PIR: variants seen among roughly 807,000 people sequenced by gnomAD.
The protein encoded by PIR is pirin (iron-binding nuclear protein).
PIR carries 22 observed loss-of-function variants against 24.2 expected under a neutral mutation model. That is an observed-to-expected ratio of 0.91 (90% CI 0.65 to 1.30). The LOEUF (loss-of-function observed/expected upper bound fraction) is 1.30, where lower values mean the gene tolerates loss of function less well. Among genes scored for constraint, PIR ranks in the 50% most tolerant of loss-of-function variants. PIR has a pLI of 0.00. For missense variants in PIR, 220 were observed against 220.3 expected (o/e 1.00, Z 0.01); for synonymous variants, 80 against 79.6 (o/e 1.00, Z -0.03).
intron 5 of PIR, among the ~76,000 whole-genome samples, chrX:15,448,500 C>T (rs1926179914): frequency 8.9e-6 from 1 of 112,077 alleles, no homozygotes; most frequent in Admixed American, 9.4e-5. Flanking sequence ...CTGGGGAGGC[C>T]ACTGCACCTT....
intron 6 of PIR, among the ~76,000 whole-genome samples, chrX:15,419,053 C>A (rs1247503361): frequency 3.7e-5 from 4 of 109,456 alleles, no homozygotes; most frequent in Non-Finnish European, 7.6e-5. Context: ...TTTGATACAA[C>A]AAAGCACCCA....
intron 5 of PIR, among the ~76,000 whole-genome samples, chrX:15,448,764 C>T (rs1038422050): frequency 8.9e-6 from 1 of 111,960 alleles, no homozygotes; most frequent in Admixed American, 9.5e-5. Flanking sequence ...CATTACAAGA[C>T]GTGATCCCTG....
At chrX:15,434,537 G>A (rs1359199191) in intron 5 of PIR, among the ~76,000 whole-genome samples, 1 of 110,647 alleles carries the variant, frequency 9.0e-6, no homozygotes, top group Non-Finnish European at 1.9e-5. Flanking sequence ...AGTGGTGACT[G>A]GTTTCAATGG....
chrX:15,444,945 G>T (rs945033268), intron 5 of PIR, among the ~76,000 whole-genome samples: 1 of 111,724 alleles, frequency 9.0e-6, no homozygotes, highest in African/African-American at 3.3e-5. Context: ...TCTGTTTGGT[G>T]GAGACAGGGT....
intron 7 of PIR, 55 bp from the exon 8 acceptor site, chrX:15,397,586 G>A: frequency 1.2e-6 from 1 of 823,930 alleles, no homozygotes; most frequent in South Asian, 2.2e-5. Flanking sequence ...TTTGTTATAT[G>A]GTTACTTATT....
At position 15,455,922 on chromosome X, in the gene PIR, T is replaced by A. The variant is rs908993255; in HGVS notation, c.406A>T (p.Ser136Cys). Residue 136 changes from serine to cysteine, a missense_variant, in exon 5 of 10, where the codon AGT becomes TGT. Transcript: ENST00000380420. Reference sequence around the variant, plus strand: ...TTACTGGGTTTAGGGATTTCTTCACTTTTCAGTTCCTGGTACTGAGGCTCC... The same window carrying A: ...TTACTGGGTTTAGGGATTTCTTCACATTTCAGTTCCTGGTACTGAGGCTCC... ...MVEPQYQELK[S>C]EEIPKPSKDG... 7 of 1,208,723 alleles carry A rather than the reference T, an allele frequency of 5.8e-6. No homozygotes were observed. The highest frequency in any genetic ancestry group is 7.8e-6 in the Non-Finnish European group (7 of 893,787).
At position 15,470,670 on chromosome X, in the gene PIR, C is replaced by T. The variant is rs1247621260; in HGVS notation, c.189+9059G>A. Among the ~76,000 whole-genome samples, 110 of 100,697 alleles carry T rather than the reference C, an allele frequency of 1.1e-3. 1 individual carries two copies. The highest frequency in any genetic ancestry group is 3.9e-3 in the African/African-American group (105 of 26,754). 87.4% of individuals were successfully genotyped at this position (100,697 alleles called of 115,157 possible). ...AGGCTGGAGTGCAATGGTGTGATCT[C>T]AGCTCACTGCAACCTCCACCTCCTG... On this transcript the variant is annotated intron_variant, in intron 3 of 9. Coordinates refer to ENST00000380420, the MANE Select transcript of PIR (RefSeq NM_001018109.3).
chrX:15,462,302 C>T (rs921930259), intron 3 of PIR, among the ~76,000 whole-genome samples: 5 of 112,075 alleles, frequency 4.5e-5, no homozygotes, highest in Non-Finnish European at 7.5e-5. Context: ...GCACTTAAAG[C>T]GTAAAATGTT....
chrX:15,442,773 T>C (rs1281457428), intron 5 of PIR, among the ~76,000 whole-genome samples: 1 of 112,282 alleles, frequency 8.9e-6, no homozygotes, highest in Non-Finnish European at 1.9e-5. Flanking sequence ...TCTTCACTTC[T>C]GTGAAGGCTG....
intron 3 of PIR, among the ~76,000 whole-genome samples, chrX:15,475,833 G>C (rs752122587): frequency 8.9e-6 from 1 of 111,980 alleles, no homozygotes; most frequent in Non-Finnish European, 1.9e-5. Flanking sequence ...ACTCCTGGTA[G>C]GAAAAACTGA....
At chrX:15,484,633 A>T (rs1454155276) in intron 2 of PIR, among the ~76,000 whole-genome samples, 2 of 111,505 alleles carry the variant, frequency 1.8e-5, no homozygotes, top group Non-Finnish European at 3.8e-5. Context: ...CTTAAAGAAT[A>T]CCTAAGTAAT....
intron 6 of PIR, among the ~76,000 whole-genome samples, chrX:15,423,555 G>A (rs1469386672): frequency 3.6e-5 from 4 of 110,745 alleles, no homozygotes; most frequent in Non-Finnish European, 7.6e-5. Flanking sequence ...GGTGGAGGTT[G>A]CAGTGAGCAG....
chrX:15,394,110 T>C (rs1172353010), intron 8 of PIR, among the ~76,000 whole-genome samples: 1 of 110,593 alleles, frequency 9.0e-6, no homozygotes, highest in Non-Finnish European at 1.9e-5. Context: ...TCAATAACAT[T>C]GATTATAGTG....
chrX:15,417,097 G>T (rs764916587), intron 6 of PIR, among the ~76,000 whole-genome samples: 1 of 108,685 alleles, frequency 9.2e-6, no homozygotes, highest in Non-Finnish European at 1.9e-5. Flanking sequence ...CTATAGGCCC[G>T]CACGACCATG....
intron 5 of PIR, among the ~76,000 whole-genome samples, chrX:15,428,249 G>A (rs1215072291): frequency 1.8e-5 from 2 of 111,847 alleles, no homozygotes. Context: ...AAGAAGGGCA[G>A]CACACAAGGG....
intron 6 of PIR, among the ~76,000 whole-genome samples, chrX:15,410,234 G>A (rs1286069901): frequency 9.0e-6 from 1 of 110,630 alleles, no homozygotes; most frequent in Non-Finnish European, 1.9e-5. Flanking sequence ...CTGGGCGACA[G>A]AGCAAGACTC....
intron 7 of PIR, among the ~76,000 whole-genome samples, chrX:15,402,031 C>T (rs1177870552): frequency 6.3e-5 from 7 of 111,904 alleles, no homozygotes; most frequent in Admixed American, 2.8e-4. Context: ...CATAAATGTG[C>T]ATTTGTTTGT....
chrX:15,477,715 A>G (rs1266329436), intron 3 of PIR, among the ~76,000 whole-genome samples: 13 of 111,692 alleles, frequency 1.2e-4, no homozygotes, highest in Non-Finnish European at 7.5e-5. Flanking sequence ...ACACTGTGAA[A>G]GGTCACTTTC....
intron 3 of PIR, among the ~76,000 whole-genome samples, chrX:15,479,238 A>T (rs1922368108): frequency 9.0e-6 from 1 of 111,497 alleles, no homozygotes; most frequent in South Asian, 3.7e-4. Context: ...GTTAGTATAA[A>T]TACTCTTGTA....
Sources: allele counts gnomAD v4.1 joint callset (sites outside exome capture counted in the v4.1 genomes callset), GRCh38; gene constraint gnomAD v4.1.1; transcripts MANE v1.5; gene names NCBI Gene and HGNC (gene_info 2026-07-23, HGNC 2026-07-21).